Variants in CHODL observed in about 807,000 individuals in gnomAD.
CHODL encodes transmembrane protein MT75.
CHODL carries 29 observed loss-of-function variants against 34.5 expected under a neutral mutation model. The observed-to-expected ratio is 0.84, with a 90% CI of 0.63 to 1.15. CHODL has a LOEUF of 1.15. Among genes scored for constraint, CHODL ranks in the 50% most tolerant of loss-of-function variants. The pLI, the probability that CHODL is intolerant of heterozygous loss-of-function variation, is 0.00. For missense variants in CHODL, 332 were observed against 332.5 expected, an observed-to-expected ratio of 1.00 and a Z score of 0.01; for synonymous variants, 125 against 116.1, an observed-to-expected ratio of 1.08 and a Z score of -0.49.
rs1410158366 is a variant in CHODL at position 17,954,766 on chromosome 21, C to G, written c.-145+37366C>G. On this transcript the variant is annotated intron_variant, in intron 1 of 6. Coordinates refer to the CHODL transcript ENST00000400127. ...ACATATTGCAAGACACATGTTACAG[C>G]TCAGCCTCCATAATTCATAAGCCAA... 3.0e-5 allele frequency among the ~76,000 whole-genome samples: 4 copies of G among 133,010 alleles called. 2 individuals carry two copies. The highest frequency in any genetic ancestry group is 6.8e-5 in the Non-Finnish European group (4 of 59,190). 87.3% of individuals were successfully genotyped at this position (133,010 alleles called of 152,430 possible). A position where few individuals can be genotyped will look rare whatever the true frequency, so the allele number is the denominator to read the frequency against.
chr21:18,203,198 G>A (rs2073674523), intron 2 of CHODL, among the ~76,000 whole-genome samples: 1 of 152,122 alleles, frequency 6.6e-6, no homozygotes, highest in Non-Finnish European at 1.5e-5. Flanking sequence ...CTCAGATAAA[G>A]TTTTCATGAT....
At chr21:18,171,514 G>A (rs961558133) in intron 2 of CHODL, among the ~76,000 whole-genome samples, 5 of 151,858 alleles carry the variant, frequency 3.3e-5, no homozygotes, top group Non-Finnish European at 7.4e-5. Context: ...GCCTTCTTTA[G>A]TTCTTTCAAC....
chr21:18,007,141 C>A (rs967680003), intron 1 of CHODL, among the ~76,000 whole-genome samples: 1 of 151,980 alleles, frequency 6.6e-6, no homozygotes, highest in Non-Finnish European at 1.5e-5. Context: ...AAAACTACTT[C>A]AAGAAAAAAA....
chr21:18,159,871 C>T (rs1419728408), intron 2 of CHODL, among the ~76,000 whole-genome samples: 1 of 152,122 alleles, frequency 6.6e-6, no homozygotes, highest in African/African-American at 2.4e-5. Flanking sequence ...GACCATGAGC[C>T]AAGGACTGTG....
At chr21:18,162,192 A>C (rs1365173117) in intron 2 of CHODL, among the ~76,000 whole-genome samples, 1 of 152,242 alleles carries the variant, frequency 6.6e-6, no homozygotes, top group East Asian at 1.9e-4. Flanking sequence ...AAAGCACCAC[A>C]AAATGGGTGG....
At position 17,972,762 on chromosome 21, in the gene CHODL, TGG is replaced by T. The variant is rs776011113; in HGVS notation, c.-144-55109_-144-55108del. Among the ~76,000 whole-genome samples the T allele has an allele frequency of 1.8e-4, 27 of 152,348 alleles. No homozygotes were observed. In the Middle Eastern group the frequency reaches 0.014, roughly 77 times the overall value. On this transcript the variant is annotated intron_variant, in intron 1 of 6. Transcript: ENST00000400127. ...AATGCCATCCCCATCAAGCTACCAT[TGG>T]CTGTTTTCACAGAATTAGAAAAAAC...
At chr21:18,243,272 G>A (rs2074099276), upstream of CHODL, among the ~76,000 whole-genome samples, 1 of 152,154 alleles carries the variant, frequency 6.6e-6, no homozygotes, top group Admixed American at 6.5e-5. Flanking sequence ...CTCCTACCAT[G>A]GCTATGCCCA....
chr21:18,044,392 T>C (rs187252224), intron 2 of CHODL, among the ~76,000 whole-genome samples: 59 of 152,100 alleles, frequency 3.9e-4, no homozygotes, highest in Middle Eastern at 6.8e-3. Flanking sequence ...AAATAGTGAA[T>C]AAAAAACACC....
intron 2 of CHODL, among the ~76,000 whole-genome samples, chr21:18,093,647 TGTTAA>T (rs901168319): frequency 1.4e-4 from 21 of 152,148 alleles, no homozygotes; most frequent in Non-Finnish European, 5.9e-5. Context: ...ATGCAATCAG[TGTTAA>T]GTTGTCATCA....
Position 18,104,254 on chromosome 21 carries a change from G to C in CHODL, c.-45+76283G>C, listed in dbSNP as rs141939552. Among the ~76,000 whole-genome samples the C allele has an allele frequency of 4.6e-3, 694 of 152,212 alleles. 6 individuals are homozygous for C. Among genetic ancestry groups the C allele is most frequent in the African/African-American group, 0.016 (656 of 41,522 alleles). On this transcript the variant is annotated intron_variant, in intron 2 of 6. Coordinates refer to the CHODL transcript ENST00000400127. ...ATTGTAATCACCATACACGTGTCAA[G>C]GTAATTGAATCATGGGGGCAGTTTC...
intron 2 of CHODL, among the ~76,000 whole-genome samples, chr21:18,205,591 T>A (rs867233844): frequency 6.6e-6 from 1 of 152,200 alleles, no homozygotes; most frequent in African/African-American, 2.4e-5. Flanking sequence ...TTGATGTAGA[T>A]GCTTATAGCA....
intron 2 of CHODL, among the ~76,000 whole-genome samples, chr21:18,232,966 T>TGATATATATATATC (rs2073996436): frequency 7.2e-6 from 1 of 139,514 alleles, no homozygotes; most frequent in African/African-American, 3.0e-5. Context: ...TATATATATA[T>TGATATATATATATC]ATATATGTAT....
chr21:18,100,414 A>G (rs972418881), intron 2 of CHODL, among the ~76,000 whole-genome samples: 5 of 152,088 alleles, frequency 3.3e-5, no homozygotes, highest in South Asian at 2.1e-4. Flanking sequence ...GTAGGAATAT[A>G]ACTAGACTGG....
rs1484850676 is a variant in CHODL at position 18,073,269 on chromosome 21, A to G, written c.-45+45298A>G. 2.6e-5 allele frequency among the ~76,000 whole-genome samples: 4 copies of G among 152,152 alleles called. No individual in the cohort carries two copies. In the East Asian group the frequency reaches 7.7e-4, roughly 29 times the overall value. ...GTTTTTAAATTAAGGTGAAAATCTG[A>G]AAGTAATGCCAGGCAACAAGTTTTA... On this transcript the variant is annotated intron_variant, in intron 2 of 6. Transcript: ENST00000400127.
At chr21:18,008,662 T>G (rs1191255807) in intron 1 of CHODL, among the ~76,000 whole-genome samples, 4 of 152,328 alleles carry the variant, frequency 2.6e-5, no homozygotes, top group African/African-American at 9.6e-5. Context: ...TATCCATATC[T>G]TTGCAAATGG....
At chr21:17,961,283 T>TA (rs1390924273) in intron 1 of CHODL, among the ~76,000 whole-genome samples, 7 of 152,332 alleles carry the variant, frequency 4.6e-5, no homozygotes, top group African/African-American at 1.7e-4. Flanking sequence ...CAATTGTCCA[T>TA]ATGCATATCA....
intron 2 of CHODL, among the ~76,000 whole-genome samples, chr21:18,125,110 A>G (rs2065526018): frequency 1.3e-5 from 2 of 152,244 alleles, no homozygotes; most frequent in Non-Finnish European, 2.9e-5. Flanking sequence ...TTTAGTCTTA[A>G]GCCAGGTGTG....
intron 2 of CHODL, among the ~76,000 whole-genome samples, chr21:18,214,168 A>G (rs2073800895): frequency 1.3e-5 from 2 of 151,982 alleles, no homozygotes; most frequent in South Asian, 2.1e-4. Context: ...TTTGACTTGT[A>G]TTATTACATT....
At chr21:18,248,912 A>AT (rs2074191820) in intron 1 of CHODL, among the ~76,000 whole-genome samples, 2 of 116,306 alleles carry the variant, frequency 1.7e-5, no homozygotes, top group Non-Finnish European at 3.2e-5. Flanking sequence ...ATATATGTAT[A>AT]ATACATATAT....
Sources: allele counts gnomAD v4.1 joint callset (sites outside exome capture counted in the v4.1 genomes callset), GRCh38; gene constraint gnomAD v4.1.1; transcripts MANE v1.5; gene names NCBI Gene and HGNC (gene_info 2026-07-23, HGNC 2026-07-21).